The following ERCC8 variants were observed in gnomAD, a reference collection of about 807,000 sequenced individuals.
The protein encoded by ERCC8 is ERCC excision repair 8, CSA ubiquitin ligase complex subunit, also known as DNA excision repair protein ERCC-8.
In ERCC8, 52 loss-of-function variants were observed where a neutral mutation model predicts 54.9. That is an observed-to-expected ratio of 0.95 (90% CI 0.76 to 1.19). The LOEUF (loss-of-function observed/expected upper bound fraction) is 1.19, where lower values mean the gene tolerates loss of function less well. Among genes scored for constraint, ERCC8 ranks in the 50% most tolerant of loss-of-function variants. The probability of loss-of-function intolerance (pLI) is 0.00; values close to 1 mark genes in which losing one functional copy is unlikely to be tolerated. For synonymous variants in ERCC8, 146 were observed against 157.2 expected (o/e 0.93, Z 0.53); for missense variants, 514 against 466.1 (o/e 1.10, Z -0.95).
At chr5:60,937,332 A>C (rs1185327332) in intron 1 of ERCC8, among the ~76,000 whole-genome samples, 1 of 152,160 alleles carries the variant, frequency 6.6e-6, no homozygotes, top group Non-Finnish European at 1.5e-5. Context: ...CCCTAGGGTT[A>C]GGTGGTGGGC....
At chr5:60,932,428 T>G (rs1749934660) in intron 1 of ERCC8, among the ~76,000 whole-genome samples, 1 of 152,194 alleles carries the variant, frequency 6.6e-6, no homozygotes, top group Non-Finnish European at 1.5e-5. Flanking sequence ...TTTGGGAGTC[T>G]GGAATTTTGG....
At position 60,894,145 on chromosome 5, in the gene ERCC8, C is replaced by T. The variant is rs546872986; in HGVS notation, c.844-3059G>A. Among the ~76,000 whole-genome samples, 9 of 152,050 alleles carry T rather than the reference C, an allele frequency of 5.9e-5. No individual in the cohort carries two copies. In the East Asian group the frequency reaches 1.2e-3, roughly 20 times the overall value. On this transcript the variant is annotated intron_variant, in intron 9 of 11. Transcript: ENST00000676185. ...GACTACAGGCGACCGCCACCACGCC[C>T]GGCTAATTTTTTGTATTTTTAGTAG... is the stretch of plus-strand genomic sequence containing the variant.
intron 4 of ERCC8, chr5:60,915,318 T>G (rs1749399929): frequency 6.6e-6 from 1 of 152,032 alleles, no homozygotes; most frequent in African/African-American, 2.4e-5. Flanking sequence ...TTGGGAGAGA[T>G]TCTGCGTTAT....
In ERCC8 at chr5:60,867,987, C is replaced by T. The variant is rs1179290553; in HGVS notation, c.*6628G>A. On this transcript the variant is annotated 3_prime_UTR_variant, in exon 12 of 12. Transcript: ENST00000676185. ...CCTGAGGTCAGGAGTTCGAGACCAGCCAGACCAACATGGAGAAACCCTGTC... is the reference window on the plus strand; with the variant it reads ...CCTGAGGTCAGGAGTTCGAGACCAGTCAGACCAACATGGAGAAACCCTGTC... Among the ~76,000 whole-genome samples the T allele has an allele frequency of 6.6e-6, 1 of 152,296 alleles. No individual in the cohort carries two copies. Among genetic ancestry groups the T allele is most frequent in the East Asian group, 1.9e-4 (1 of 5,182 alleles).
Position 60,868,049 on chromosome 5 carries a change from G to GC in ERCC8, c.*6565dup, listed in dbSNP as rs1747789615. ...TACAAAATAAGCCAGGCATGGTGGC[G>GC]CATGCCTGTAATCCCAGCTACTTGG... On this transcript the variant is annotated 3_prime_UTR_variant, in exon 12 of 12. Transcript: ENST00000676185. 6.6e-6 allele frequency among the ~76,000 whole-genome samples: 1 copy of GC among 152,088 alleles called. No homozygotes were observed. Among genetic ancestry groups the GC allele is most frequent in the South Asian group, 2.1e-4 (1 of 4,828 alleles).
chr5:60,879,587 C>T (rs548263705), intron 11 of ERCC8, among the ~76,000 whole-genome samples: 5 of 152,304 alleles, frequency 3.3e-5, no homozygotes, highest in Non-Finnish European at 5.9e-5. Context: ...GGATAGTTAG[C>T]TCTTCTTGTT....
rs1389099612 is a variant in ERCC8, at chr5:60,868,079, C to G, written c.*6536G>C. On this transcript the variant is annotated 3_prime_UTR_variant, in exon 12 of 12. Transcript: ENST00000676185. ...CCTGTAATCCCAGCTACTTGGGAGG[C>G]TGAGGCAGGAGAATCGCTTGAACCC... 6.6e-6 allele frequency among the ~76,000 whole-genome samples: 1 copy of G among 152,156 alleles called. No homozygotes were observed. The highest frequency in any genetic ancestry group is 1.5e-5 in the Non-Finnish European group (1 of 68,022).
intron 2 of ERCC8, among the ~76,000 whole-genome samples, chr5:60,923,937 C>T (rs1373404263): frequency 2.0e-5 from 3 of 152,090 alleles, no homozygotes; most frequent in Admixed American, 1.3e-4. Context: ...CACTGTCTTT[C>T]TCTTCTGTAT....
chr5:60,874,685 T>C lies in ERCC8; in HGVS notation c.1123-2A>G, dbSNP rs1326878413. On this transcript the variant is annotated splice_acceptor_variant, in intron 11 of 11. Transcript: ENST00000676185. LOFTEE classifies it high-confidence loss of function. ...ATTTAATTGTGATTTTGTTGTAGTCTAAAAAAAAAAAAGATAAAGAAAAAG... is the reference window on the plus strand; with the variant it reads ...ATTTAATTGTGATTTTGTTGTAGTCCAAAAAAAAAAAAGATAAAGAAAAAG... The C allele has an allele frequency of 3.0e-6, 4 of 1,332,974 alleles. No individual in the cohort carries two copies. The highest frequency in any genetic ancestry group is 2.7e-5 in the South Asian group (2 of 74,196). The allele number at this position is 1,332,974 out of a possible 1,614,324, so 82.6% of individuals were successfully genotyped here.
At position 60,904,787 on chromosome 5, in the gene ERCC8, C is replaced by T; in HGVS notation, c.481+5G>A. The T allele has an allele frequency of 6.3e-7, 1 of 1,576,066 alleles. No homozygotes were observed. The highest frequency in any genetic ancestry group is 8.7e-7 in the Non-Finnish European group (1 of 1,147,794). On this transcript the variant is annotated splice_donor_5th_base_variant and intron_variant, in intron 5 of 11. Coordinates refer to ENST00000676185, the MANE Select transcript of ERCC8 (RefSeq NM_000082.4). ...GTCAAAAGACAAAAGAATACACTTA[C>T]AAACCTGCTACCAAACAGTGCTTGG...
Position 60,881,510 on chromosome 5 carries a change from A to T in ERCC8, c.1122+5930T>A, listed in dbSNP as rs77651580. 5.3e-3 allele frequency among the ~76,000 whole-genome samples: 811 copies of T among 152,264 alleles called. 4 individuals carry two copies. The highest frequency in any genetic ancestry group is 0.018 in the African/African-American group (768 of 41,552). On this transcript the variant is annotated intron_variant, in intron 11 of 11. Coordinates refer to ENST00000676185, the MANE Select transcript of ERCC8 (RefSeq NM_000082.4). ...CCTTGAGCTGTGGTGGGCTCCACCCAGTTTGATCTTCCCAGCCGCTTTGTT... is the reference window on the plus strand; with the variant it reads ...CCTTGAGCTGTGGTGGGCTCCACCCTGTTTGATCTTCCCAGCCGCTTTGTT...
At chr5:60,886,553 T>C (rs1748398057) in intron 11 of ERCC8, among the ~76,000 whole-genome samples, 1 of 151,712 alleles carries the variant, frequency 6.6e-6, no homozygotes, top group Non-Finnish European at 1.5e-5. Flanking sequence ...AATACAAAAA[T>C]TAGCCAGGCG....
chr5:60,932,243 A>G (rs2112536835), intron 1 of ERCC8: 1 of 152,348 alleles, frequency 6.6e-6, no homozygotes, highest in East Asian at 1.9e-4. Context: ...TACAAAACAT[A>G]GGTTAACATA....
In ERCC8 at chr5:60,874,654, G is replaced by A; in HGVS notation, c.1152C>T (p.Ala384=). 6.2e-7 allele frequency: 1 copy of A among 1,611,748 alleles called. No homozygotes were observed. The highest frequency in any genetic ancestry group is 1.1e-5 in the South Asian group (1 of 90,404). Residue 384 remains alanine, a synonymous_variant, in exon 12 of 12, where the codon GCC becomes GCT. Coordinates refer to ENST00000676185, the MANE Select transcript of ERCC8 (RefSeq NM_000082.4). ...ETTTKSQLNP[A]FEDAWSSSDE... is the part of the protein sequence containing the mutation. ...CACTGCTGCTCCAGGCATCTTCAAA[G>A]GCCGGATTTAATTGTGATTTTGTTG...
At chr5:60,914,016 T>A (rs569299682) in intron 4 of ERCC8, among the ~76,000 whole-genome samples, 19 of 152,280 alleles carry the variant, frequency 1.2e-4, no homozygotes, top group African/African-American at 4.6e-4. Context: ...TCCAACTATG[T>A]GGTCAATTCT....
At chr5:60,944,721 CG>C (rs1750378515) in intron 1 of ERCC8, among the ~76,000 whole-genome samples, 1 of 47,530 alleles carries the variant, frequency 2.1e-5, no homozygotes, top group African/African-American at 7.0e-5. Context: ...CCCCCACCCC[CG>C]GGGAACCCCC....
In ERCC8 at chr5:60,880,721, C is replaced by A. The variant is rs35617853; in HGVS notation, c.1123-6038G>T. ...GCCATGGTTTTCAGCTCCATCAGGT[C>A]GTTAAAGGACTTGTCTGCATTGGTT... On this transcript the variant is annotated intron_variant, in intron 11 of 11. Coordinates refer to ENST00000676185, the MANE Select transcript of ERCC8 (RefSeq NM_000082.4). Among the ~76,000 whole-genome samples, 4 of 152,162 alleles carry A rather than the reference C, an allele frequency of 2.6e-5. No homozygotes were observed. In the East Asian group the frequency reaches 7.7e-4, roughly 29 times the overall value.
At position 60,919,089 on chromosome 5, in the gene ERCC8, C is replaced by T. The variant is rs141015005; in HGVS notation, c.276-701G>A. Among the ~76,000 whole-genome samples the T allele has an allele frequency of 3.5e-3, 536 of 151,832 alleles. 2 individuals carry two copies. Among genetic ancestry groups the T allele is most frequent in the African/African-American group, 0.012 (494 of 41,426 alleles). On this transcript the variant is annotated intron_variant, in intron 3 of 11. Coordinates refer to ENST00000676185, the MANE Select transcript of ERCC8 (RefSeq NM_000082.4). ...TGGCTTTTAAGAGAGATTTATGAGA[C>T]GAAGAGGGAAATTTGAACACAGACT...
At chr5:60,934,392 C>T (rs890350353) in intron 1 of ERCC8, among the ~76,000 whole-genome samples, 4 of 152,106 alleles carry the variant, frequency 2.6e-5, no homozygotes, top group Non-Finnish European at 5.9e-5. Flanking sequence ...CTTTTGAGAA[C>T]TGTCTATCCA....
Sources: allele counts gnomAD v4.1 joint callset (sites outside exome capture counted in the v4.1 genomes callset), GRCh38; gene constraint gnomAD v4.1.1; transcripts MANE v1.5; gene names NCBI Gene and HGNC (gene_info 2026-07-23, HGNC 2026-07-21).